The following PLS1 variants were observed in gnomAD, a reference collection of about 807,000 sequenced individuals.
The protein encoded by PLS1 is plastin-1.
A neutral mutation model predicts 73.7 loss-of-function variants in PLS1; 32 were observed. The ratio of observed to expected loss-of-function variants is 0.43; its 90% confidence interval spans 0.33 to 0.58. PLS1 has a LOEUF of 0.58. PLS1 is among the 20% of genes least tolerant of loss of function. The probability of loss-of-function intolerance (pLI) is 0.04; values close to 1 mark genes in which losing one functional copy is unlikely to be tolerated. For missense variants in PLS1, 633 were observed against 740.5 expected (o/e 0.85, Z 1.68); for synonymous variants, 217 against 261.3 (o/e 0.83, Z 1.63).
chr3:142,678,672 T>G (rs1418650189), intron 6 of PLS1, among the ~76,000 whole-genome samples: 1 of 151,308 alleles, frequency 6.6e-6, no homozygotes, highest in Non-Finnish European at 1.5e-5. Context: ...CAGTCTATCA[T>G]TGTTGGACAT....
At chr3:142,620,316 G>A (rs1027476954) in intron 1 of PLS1, among the ~76,000 whole-genome samples, 3 of 152,024 alleles carry the variant, frequency 2.0e-5, no homozygotes, top group Non-Finnish European at 4.4e-5. Flanking sequence ...TAGTACAGAC[G>A]GGGTTTCACC....
intron 12 of PLS1, among the ~76,000 whole-genome samples, chr3:142,702,627 G>A (rs2038353842): frequency 6.6e-6 from 1 of 152,054 alleles, no homozygotes; most frequent in Admixed American, 6.5e-5. Context: ...AATTTCACTG[G>A]AGCAAAAAGA....
chr3:142,684,260 T>G lies in PLS1; in HGVS notation c.753T>G (p.Ile251Met). The G allele has an allele frequency of 6.2e-7, 1 of 1,614,148 alleles. No individual in the cohort carries two copies. The highest frequency in any genetic ancestry group is 8.5e-7 in the Non-Finnish European group (1 of 1,179,992). Residue 251 changes from isoleucine (I) to methionine (M), a missense_variant, in exon 8 of 16, where the codon ATT becomes ATG. By Grantham distance (10) the Ile-to-Met change is conservative. Transcript: ENST00000457734. ...TCGCTGTTTTGCCCTCAGCTCTGAT[T>G]GCATTGTTAAATGAAGGTGAGGAAC... ...DIEISRNEAL[I>M]ALLNEGEELE...
chr3:142,684,340 A>G lies in PLS1; in HGVS notation c.833A>G (p.Tyr278Cys), dbSNP rs375726625. The stretch of plus-strand genomic sequence containing the variant: ...GAATTACTGCTGCGATGGGTGAACT[A>G]CCATCTGACCAATGCAGGATGGCAT... ...PEELLLRWVNYHLTNAGWHTI... is the reference protein window; with the variant it reads ...PEELLLRWVNCHLTNAGWHTI... The change falls in exon 8 of 16, where the codon TAC becomes TGC. Residue 278 changes from tyrosine (Y) to cysteine (C), a missense_variant. Transcript: ENST00000457734. The G allele has an allele frequency of 3.1e-6, 5 of 1,613,006 alleles. No homozygotes were observed. The highest frequency in any genetic ancestry group is 3.4e-6 in the Non-Finnish European group (4 of 1,178,990).
At chr3:142,599,487 G>A (rs941848605) in intron 1 of PLS1, among the ~76,000 whole-genome samples, 105 of 151,510 alleles carry the variant, frequency 6.9e-4, no homozygotes, top group South Asian at 1.9e-3. Flanking sequence ...CCGCCACCGC[G>A]CCCGGCTAAT....
chr3:142,632,617 G>A (rs1295463902), intron 1 of PLS1, among the ~76,000 whole-genome samples: 3 of 143,384 alleles, frequency 2.1e-5, no homozygotes, highest in Non-Finnish European at 4.5e-5. Flanking sequence ...TTTTTCCCCT[G>A]AGACGGGGTC....
At chr3:142,679,954 C>T (rs1254142611) in intron 6 of PLS1, among the ~76,000 whole-genome samples, 1 of 151,928 alleles carries the variant, frequency 6.6e-6, no homozygotes, top group Non-Finnish European at 1.5e-5. Flanking sequence ...TTTCATTGAG[C>T]AGTGGTTTGT....
At chr3:142,637,850 C>A (rs920670900) in intron 1 of PLS1, among the ~76,000 whole-genome samples, 3 of 151,216 alleles carry the variant, frequency 2.0e-5, no homozygotes, top group Non-Finnish European at 4.4e-5. Flanking sequence ...ACATGCCAGG[C>A]CCCCCCGCCC....
At chr3:142,709,676 G>C (rs187169163) in intron 14 of PLS1, among the ~76,000 whole-genome samples, 2 of 152,226 alleles carry the variant, frequency 1.3e-5, no homozygotes, top group Admixed American at 1.3e-4. Flanking sequence ...TATCAGCCGG[G>C]TGTGGTGGCC....
chr3:142,598,910 A>T (rs921460103), intron 1 of PLS1, among the ~76,000 whole-genome samples: 3 of 151,954 alleles, frequency 2.0e-5, no homozygotes, highest in Non-Finnish European at 4.4e-5. Context: ...CTGAGGCAGG[A>T]GAATCGCATG....
At position 142,665,798 on chromosome 3, in the gene PLS1, A is replaced by C. The variant is rs562674510; in HGVS notation, c.70+1491A>C. On this transcript the variant is annotated intron_variant, in intron 2 of 15. Coordinates refer to ENST00000457734, the MANE Select transcript of PLS1 (RefSeq NM_001145319.2). ...TATTGAATAAACAATTCACTGATGGAACAATTTTTTTTTTTTTAACAAAAC... is the reference window on the plus strand; with the variant it reads ...TATTGAATAAACAATTCACTGATGGCACAATTTTTTTTTTTTTAACAAAAC... 1.5e-4 allele frequency among the ~76,000 whole-genome samples: 19 copies of C among 123,546 alleles called. 1 individual carries two copies. The South Asian group carries it at 4.4e-3, about 29-fold the overall frequency. 81.1% of individuals were successfully genotyped at this position (123,546 alleles called of 152,430 possible).
chr3:142,653,961 C>T (rs1210449000), intron 1 of PLS1, among the ~76,000 whole-genome samples: 1 of 152,028 alleles, frequency 6.6e-6, no homozygotes, highest in Non-Finnish European at 1.5e-5. Context: ...TTCATTTAGC[C>T]CAGCCAAATA....
chr3:142,607,554 G>C (rs951704842), intron 1 of PLS1, among the ~76,000 whole-genome samples: 2 of 152,212 alleles, frequency 1.3e-5, no homozygotes, highest in East Asian at 1.9e-4. Context: ...GATTACAGGC[G>C]TGAGCCACTG....
chr3:142,666,744 C>T (rs2037487327), intron 2 of PLS1, among the ~76,000 whole-genome samples: 2 of 152,194 alleles, frequency 1.3e-5, no homozygotes, highest in South Asian at 4.1e-4. Context: ...AGTGGAGGCA[C>T]CATTTTACAT....
intron 1 of PLS1, among the ~76,000 whole-genome samples, chr3:142,603,056 G>A (rs181352442): frequency 2.8e-4 from 42 of 152,248 alleles, no homozygotes; most frequent in Non-Finnish European, 4.4e-4. Context: ...GATGAACGTC[G>A]GGGAGAAAGA....
intron 1 of PLS1, among the ~76,000 whole-genome samples, chr3:142,617,146 A>G (rs112864474): frequency 2.9e-4 from 42 of 144,578 alleles, no homozygotes; most frequent in Non-Finnish European, 3.5e-4. Flanking sequence ...GATTAGGAAG[A>G]TTTTTTTTTT....
chr3:142,697,856 G>A (rs549658167), intron 11 of PLS1, 97 bp from the exon 12 acceptor site: 4 of 650,112 alleles, frequency 6.2e-6, no homozygotes, highest in South Asian at 6.1e-5. Flanking sequence ...AATGACTTAT[G>A]TTCTTAAAGA....
chr3:142,643,825 A>ATTTTTT (rs67216911), intron 1 of PLS1, among the ~76,000 whole-genome samples: 2 of 122,922 alleles, frequency 1.6e-5, no homozygotes, highest in African/African-American at 6.5e-5. Context: ...TCTTCATTTC[A>ATTTTTT]TTTTTTTTTT....
chr3:142,712,108 C>A lies in PLS1; in HGVS notation c.*101C>A. ...TGTAAAACCAGAGATTATTTGTATG[C>A]TCAAAATAGTTATATATTCATTAAT... is the stretch of plus-strand genomic sequence containing the variant. On this transcript the variant is annotated 3_prime_UTR_variant, in exon 16 of 16. Coordinates refer to ENST00000457734, the MANE Select transcript of PLS1 (RefSeq NM_001145319.2). The A allele has an allele frequency of 9.7e-7, 1 of 1,035,242 alleles. No homozygotes were observed. The highest frequency in any genetic ancestry group is 1.5e-6 in the Non-Finnish European group (1 of 679,726). 64.1% of individuals were successfully genotyped at this position (1,035,242 alleles called of 1,614,324 possible).
Sources: allele counts gnomAD v4.1 joint callset (sites outside exome capture counted in the v4.1 genomes callset), GRCh38; gene constraint gnomAD v4.1.1; transcripts MANE v1.5; gene names NCBI Gene and HGNC (gene_info 2026-07-23, HGNC 2026-07-21).